STAU2: variants seen among roughly 807,000 people sequenced by gnomAD.
STAU2 encodes the protein double-stranded RNA-binding protein Staufen homolog 2.
A neutral mutation model predicts 65.9 loss-of-function variants in STAU2; 20 were observed. The ratio of observed to expected loss-of-function variants is 0.30; its 90% CI spans 0.21 to 0.44. The LOEUF is 0.44. Ranked by LOEUF, STAU2 falls within the 20% of genes least tolerant of loss-of-function variation. The pLI, the probability that STAU2 is intolerant of heterozygous loss-of-function variation, is 1.00. For synonymous variants in STAU2, 232 were observed against 233.9 expected (o/e 0.99, Z 0.07); for missense variants, 558 against 683.9 (o/e 0.82, Z 2.05).
In STAU2 at chr8:73,507,251, T is replaced by C. The variant is rs147298001; in HGVS notation, c.1530+44761A>G. 2.0e-3 allele frequency among the ~76,000 whole-genome samples: 301 copies of C among 152,172 alleles called. 3 individuals carry two copies. Among genetic ancestry groups the C allele is most frequent in the South Asian group, 8.5e-3 (41 of 4,820 alleles). On this transcript the variant is annotated intron_variant, in intron 13 of 14. Transcript: ENST00000524300. ...TAACTATCTATGGAAGCCATAGTGTTAAAAAATGCATTTCATAAATAATAA... is the reference window on the plus strand; with the variant it reads ...TAACTATCTATGGAAGCCATAGTGTCAAAAAATGCATTTCATAAATAATAA...
intron 6 of STAU2, among the ~76,000 whole-genome samples, chr8:73,640,929 A>G (rs1217873821): frequency 1.3e-5 from 2 of 152,194 alleles, no homozygotes; most frequent in Non-Finnish European, 2.9e-5. Flanking sequence ...AAAATGAAGT[A>G]TTCTTAATAT....
intron 1 of STAU2, among the ~76,000 whole-genome samples, chr8:73,744,438 T>C (rs1016357799): frequency 2.8e-5 from 4 of 145,142 alleles, no homozygotes; most frequent in Admixed American, 1.4e-4. Flanking sequence ...GCACTGAACG[T>C]GCACAAAACA....
At chr8:73,726,908 T>C (rs974149175) in intron 3 of STAU2, among the ~76,000 whole-genome samples, 1 of 152,190 alleles carries the variant, frequency 6.6e-6, no homozygotes, top group African/African-American at 2.4e-5. Context: ...TGAGGTAGAA[T>C]TGACATAATA....
intron 6 of STAU2, among the ~76,000 whole-genome samples, chr8:73,636,149 G>C (rs115157689): frequency 6.6e-6 from 1 of 152,130 alleles, no homozygotes; most frequent in African/African-American, 2.4e-5. Flanking sequence ...GAACCCAGGA[G>C]TTAGAGACCA....
chr8:73,561,221 G>A (rs117250954), intron 12 of STAU2, among the ~76,000 whole-genome samples: 2,359 of 152,292 alleles, frequency 0.015, 39 homozygotes, highest in Non-Finnish European at 0.025. Flanking sequence ...GTGCAGGGAA[G>A]TGATTGGGGA....
chr8:73,674,455 C>G (rs1486408598), intron 5 of STAU2, among the ~76,000 whole-genome samples: 1 of 151,478 alleles, frequency 6.6e-6, no homozygotes, highest in Non-Finnish European at 1.5e-5. Flanking sequence ...TTAAGTCAAA[C>G]AAAATTAAAT....
chr8:73,552,988 T>C (rs1179564622), intron 12 of STAU2, among the ~76,000 whole-genome samples: 5 of 152,212 alleles, frequency 3.3e-5, no homozygotes, highest in African/African-American at 1.2e-4. Flanking sequence ...AGTTATCGTG[T>C]TGCTCAAACA....
chr8:73,694,013 C>T (rs993824775), intron 4 of STAU2, among the ~76,000 whole-genome samples: 4 of 152,102 alleles, frequency 2.6e-5, no homozygotes, highest in African/African-American at 9.7e-5. Context: ...ATGAGAAAAA[C>T]ATATACTGAC....
At position 73,421,000 on chromosome 8, in the gene STAU2, C is replaced by A. The variant is rs1359555045; in HGVS notation, c.*372G>T. ...GAGAGAATATAACTGAACACAAGCA[C>A]CACGACAAAACAATCATAACAACAG... On this transcript the variant is annotated 3_prime_UTR_variant, in exon 15 of 15. Coordinates refer to ENST00000524300, the MANE Select transcript of STAU2 (RefSeq NM_001164380.2). The A allele has an allele frequency of 5.5e-6, 1 of 182,678 alleles. No homozygotes were observed. The highest frequency in any genetic ancestry group is 2.4e-5 in the African/African-American group (1 of 42,358). The allele number at this position is 182,678 out of a possible 1,614,324, so 11.3% of individuals were successfully genotyped here.
chr8:73,730,271 T>C (rs1290337946), intron 3 of STAU2, among the ~76,000 whole-genome samples: 2 of 152,222 alleles, frequency 1.3e-5, no homozygotes, highest in Non-Finnish European at 2.9e-5. Context: ...TAAATTTCCA[T>C]ATATTTGTAA....
intron 12 of STAU2, among the ~76,000 whole-genome samples, chr8:73,553,023 G>C (rs1250008121): frequency 6.6e-6 from 1 of 152,128 alleles, no homozygotes; most frequent in East Asian, 1.9e-4. Flanking sequence ...CCATTGTAGG[G>C]ATTATCTAGT....
chr8:73,704,792 C>T (rs1366132775), intron 4 of STAU2, among the ~76,000 whole-genome samples: 4 of 152,130 alleles, frequency 2.6e-5, no homozygotes, highest in Admixed American at 1.3e-4. Flanking sequence ...CCTCAGCCTC[C>T]CGAGCAGCTG....
chr8:73,696,399 A>G (rs914370314), intron 4 of STAU2, among the ~76,000 whole-genome samples: 9 of 152,244 alleles, frequency 5.9e-5, no homozygotes, highest in African/African-American at 2.2e-4. Context: ...TATAAAGCAC[A>G]AGGGATCAAT....
At chr8:73,467,922 A>G (rs1819748844) in intron 13 of STAU2, among the ~76,000 whole-genome samples, 1 of 152,186 alleles carries the variant, frequency 6.6e-6, no homozygotes, top group Non-Finnish European at 1.5e-5. Flanking sequence ...TCAAGCTACC[A>G]ATGACTTTCT....
chr8:73,537,663 G>C (rs1291459695), intron 13 of STAU2, among the ~76,000 whole-genome samples: 1 of 152,126 alleles, frequency 6.6e-6, no homozygotes, highest in Non-Finnish European at 1.5e-5. Context: ...CAAATACAAG[G>C]AAACAGTCTG....
chr8:73,613,636 G>GTA, intron 9 of STAU2, 108 bp downstream of exon 9: 1 of 813,318 alleles, frequency 1.2e-6, no homozygotes, highest in East Asian at 2.7e-5. Flanking sequence ...TTTCAGGACT[G>GTA]TATATAGTCC....
rs1451454064 is a variant in STAU2 at position 73,700,478 on chromosome 8, G to A, written c.114+8554C>T. ...GATAAACAAATTTAGTAAAGTTGCA[G>A]GATACAAAATAAATATACTAAATCA... On this transcript the variant is annotated intron_variant, in intron 4 of 14. Transcript: ENST00000524300. Among the ~76,000 whole-genome samples the A allele has an allele frequency of 2.0e-5, 3 of 151,916 alleles. No homozygotes were observed. In the East Asian group the frequency reaches 5.8e-4, roughly 29 times the overall value.
At chr8:73,626,653 T>C (rs574949296) in intron 6 of STAU2, among the ~76,000 whole-genome samples, 15 of 152,304 alleles carry the variant, frequency 9.8e-5, no homozygotes, top group African/African-American at 3.6e-4. Flanking sequence ...TTGTGGTCAT[T>C]ATATCAAGGT....
At position 73,648,181 on chromosome 8, in the gene STAU2, G is replaced by A. The variant is rs117323112; in HGVS notation, c.410+24926C>T. ...TCTACATTCTCAAGTTTCCAAATAC[G>A]TATCTTGAAAATTTACATCCCACAT... On this transcript the variant is annotated intron_variant, in intron 6 of 14. Transcript: ENST00000524300. Among the ~76,000 whole-genome samples the A allele has an allele frequency of 3.9e-4, 60 of 152,212 alleles. No homozygotes were observed. The East Asian group carries it at 8.5e-3, about 22-fold the overall frequency.
Sources: gnomAD v4.1 joint callset for allele counts (sites outside exome capture counted in the v4.1 genomes callset) on GRCh38, gnomAD v4.1.1 for gene constraint, MANE v1.5 for transcripts, NCBI Gene and HGNC (gene_info 2026-07-23, HGNC 2026-07-21) for gene names.